The following SPATA6 variants were observed in gnomAD, a reference collection of about 807,000 sequenced individuals.
The protein encoded by SPATA6 is spermatogenesis-associated protein 6.
SPATA6 carries 56 observed loss-of-function variants against 65.3 expected under a neutral mutation model. That is an observed-to-expected ratio of 0.86 (90% CI 0.69 to 1.07). SPATA6 has a LOEUF of 1.07. Ranked by LOEUF, SPATA6 falls within the 50% of genes least tolerant of loss-of-function variation. The pLI is 0.00. For synonymous variants in SPATA6, 199 were observed against 213.2 expected, an observed-to-expected ratio of 0.93 and a Z score of 0.58; for missense variants, 590 against 594.8, an observed-to-expected ratio of 0.99 and a Z score of 0.08.
At chr1:48,388,612 G>A (rs566607391) in intron 8 of SPATA6, among the ~76,000 whole-genome samples, 18 of 151,958 alleles carry the variant, frequency 1.2e-4, no homozygotes, top group African/African-American at 4.3e-4. Flanking sequence ...AATGCAGGAC[G>A]TGAATGAAAC....
In SPATA6 at chr1:48,399,521, T is replaced by C. The variant is rs375897883; in HGVS notation, c.610A>G (p.Lys204Glu). Residue 204 changes from lysine (K) to glutamate (E), a missense_variant, in exon 7 of 13, where the codon AAA (lysine) becomes GAA (glutamate). Lys to Glu is a moderately conservative substitution (Grantham distance 56, BLOSUM62 1). Transcript: ENST00000371847. Reference protein sequence around the residue: ...PERSKYCINAKNYEQPTISSK... With the variant: ...PERSKYCINAENYEQPTISSK... The stretch of plus-strand genomic sequence containing the variant: ...GAAATTGTAGGCTGTTCGTAGTTTT[T>C]TGCATTTATACAGTATTTACTTCTC... 2.0e-5 allele frequency: 32 copies of C among 1,613,166 alleles called. No individual in the cohort carries two copies. The highest frequency in any genetic ancestry group is 2.5e-5 in the Non-Finnish European group (29 of 1,179,462).
intron 11 of SPATA6, among the ~76,000 whole-genome samples, chr1:48,308,646 T>C (rs1423221874): frequency 6.6e-6 from 1 of 152,178 alleles, no homozygotes; most frequent in Non-Finnish European, 1.5e-5. Context: ...CTGCTAGTGA[T>C]AAACTTGGTT....
At chr1:48,351,173 G>GA (rs1002972615) in intron 11 of SPATA6, among the ~76,000 whole-genome samples, 1 of 151,734 alleles carries the variant, frequency 6.6e-6, no homozygotes, top group Admixed American at 6.6e-5. Context: ...CTGGTATATA[G>GA]AAAAAAAATT....
chr1:48,316,940 A>C (rs1172376783), intron 11 of SPATA6, among the ~76,000 whole-genome samples: 1 of 152,248 alleles, frequency 6.6e-6, no homozygotes, highest in Non-Finnish European at 1.5e-5. Flanking sequence ...GCTCATCATC[A>C]CTGGCCATCA....
rs557003634 is a variant in SPATA6 at position 48,445,396 on chromosome 1, G to A, written c.238+6156C>T. ...AGCTAACACATGGCTGGGCGTGGTG[G>A]CTCACGCCTGTAATCCCAGCACTTT... On this transcript the variant is annotated intron_variant, in intron 3 of 12. Transcript: ENST00000371847. 8.5e-5 allele frequency among the ~76,000 whole-genome samples: 13 copies of A among 152,238 alleles called. No homozygotes were observed. The East Asian group carries it at 2.5e-3, about 29-fold the overall frequency.
At chr1:48,425,774 A>C (rs1489658851) in intron 3 of SPATA6, among the ~76,000 whole-genome samples, 1 of 152,154 alleles carries the variant, frequency 6.6e-6, no homozygotes, top group East Asian at 1.9e-4. Flanking sequence ...GAATAAAACA[A>C]ATTTTATCCC....
intron 11 of SPATA6, among the ~76,000 whole-genome samples, chr1:48,313,093 G>A (rs1272979586): frequency 6.6e-6 from 1 of 152,188 alleles, no homozygotes; most frequent in Non-Finnish European, 1.5e-5. Flanking sequence ...GTGACGGGGA[G>A]AATGGAACCA....
downstream of SPATA6, among the ~76,000 whole-genome samples, chr1:48,291,991 G>A (rs140062082): frequency 4.1e-4 from 63 of 152,236 alleles, no homozygotes; most frequent in African/African-American, 1.3e-3. Context: ...TACCTGTGTT[G>A]TCTTGTAGCT....
intron 9 of SPATA6, among the ~76,000 whole-genome samples, chr1:48,363,963 C>T (rs1646907846): frequency 6.6e-6 from 1 of 151,934 alleles, no homozygotes; most frequent in Non-Finnish European, 1.5e-5. Flanking sequence ...TCCCCCACCT[C>T]ACAACAGTCC....
At chr1:48,423,698 C>A (rs1372336483) in intron 3 of SPATA6, among the ~76,000 whole-genome samples, 4 of 151,682 alleles carry the variant, frequency 2.6e-5, no homozygotes, top group Non-Finnish European at 4.4e-5. Context: ...TAGGCATCCG[C>A]CACCATGCCC....
chr1:48,347,321 TAA>T, intron 11 of SPATA6, among the ~76,000 whole-genome samples: 1 of 151,350 alleles, frequency 6.6e-6, no homozygotes, highest in East Asian at 1.9e-4. Context: ...CAAGAAGAAT[TAA>T]AGACTTAAAT....
chr1:48,470,237 A>C (rs1005986425), intron 1 of SPATA6, among the ~76,000 whole-genome samples: 10 of 152,156 alleles, frequency 6.6e-5, no homozygotes, highest in African/African-American at 2.4e-4. Context: ...TCCTCTTAGA[A>C]AGTTTGTATT....
At chr1:48,298,983 T>A (rs932748102) in intron 12 of SPATA6, 90 bp from the exon 13 acceptor site, 4 of 1,271,006 alleles carry the variant, frequency 3.1e-6, no homozygotes, top group Non-Finnish European at 1.1e-6. Context: ...GAGTACTCTA[T>A]GGCTATTTAA....
intron 12 of SPATA6, among the ~76,000 whole-genome samples, chr1:48,300,321 T>C (rs1644907631): frequency 6.6e-6 from 1 of 152,070 alleles, no homozygotes; most frequent in Non-Finnish European, 1.5e-5. Flanking sequence ...CTGTTAGAGA[T>C]TGTAAAGTTT....
intron 11 of SPATA6, among the ~76,000 whole-genome samples, chr1:48,309,490 A>G (rs1262280520): frequency 6.6e-6 from 1 of 152,224 alleles, no homozygotes; most frequent in East Asian, 1.9e-4. Context: ...TACTTAAAAA[A>G]TAGTTTATAA....
intron 11 of SPATA6, among the ~76,000 whole-genome samples, chr1:48,335,342 A>AG (rs970955098): frequency 1.3e-5 from 2 of 151,746 alleles, no homozygotes; most frequent in African/African-American, 2.4e-5. Context: ...CTAGGCAAAA[A>AG]AAAAAGAAAA....
chr1:48,426,630 G>C (rs1443544757), intron 3 of SPATA6, among the ~76,000 whole-genome samples: 1 of 150,992 alleles, frequency 6.6e-6, no homozygotes, highest in Non-Finnish European at 1.5e-5. Context: ...CCTTCTAAGA[G>C]ATAAGAAAAA....
chr1:48,367,759 G>A (rs568489329), intron 9 of SPATA6, among the ~76,000 whole-genome samples: 1 of 152,188 alleles, frequency 6.6e-6, no homozygotes, highest in Non-Finnish European at 1.5e-5. Flanking sequence ...CAATTTGCCA[G>A]TCTGTGTCTT....
At chr1:48,423,035 A>G (rs922330958) in intron 3 of SPATA6, among the ~76,000 whole-genome samples, 1 of 152,222 alleles carries the variant, frequency 6.6e-6, no homozygotes, top group Non-Finnish European at 1.5e-5. Flanking sequence ...GGGACATAAC[A>G]ACATAGATAA....
Sources: allele counts gnomAD v4.1 joint callset (sites outside exome capture counted in the v4.1 genomes callset), GRCh38; gene constraint gnomAD v4.1.1; transcripts MANE v1.5; gene names NCBI Gene and HGNC (gene_info 2026-07-23, HGNC 2026-07-21).